Variants in ZFYVE26 observed in about 807,000 individuals in gnomAD.
ZFYVE26 encodes zinc finger FYVE domain-containing protein 26.
Under a neutral mutation model 276.5 loss-of-function variants are expected in ZFYVE26, and 181 were observed. The ratio of observed to expected loss-of-function variants is 0.65; its 90% CI spans 0.58 to 0.74. ZFYVE26 has a LOEUF of 0.74. Ranked by LOEUF, ZFYVE26 falls within the 30% of genes least tolerant of loss-of-function variation. The probability of loss-of-function intolerance (pLI) is 0.00; values close to 1 mark genes in which losing one functional copy is unlikely to be tolerated. For synonymous variants in ZFYVE26, 1,129 were observed against 1,203.1 expected (o/e 0.94, Z 1.27); for missense variants, 2,821 against 3,097.9 (o/e 0.91, Z 2.12).
intron 12 of ZFYVE26, 175 bp downstream of exon 12, chr14:67,797,497 A>C (rs1333755274): frequency 4.2e-6 from 3 of 713,764 alleles, no homozygotes; most frequent in Non-Finnish European, 7.4e-6. Flanking sequence ...ATTGCATGGA[A>C]AATTTCTGAA....
chr14:67,804,970 C>T lies in ZFYVE26; in HGVS notation c.1271+247G>A, dbSNP rs192537502. Reference sequence around the variant, plus strand: ...GCTTATGGTAAGTGCACTGGAAATGCGAGCTATTGTTCTTTTTGTTACTGT... The same window carrying T: ...GCTTATGGTAAGTGCACTGGAAATGTGAGCTATTGTTCTTTTTGTTACTGT... On this transcript the variant is annotated intron_variant, in intron 8 of 41. Transcript: ENST00000347230. Among the ~76,000 whole-genome samples the T allele has an allele frequency of 1.9e-3, 290 of 152,300 alleles. 1 individual carries two copies. Among genetic ancestry groups the T allele is most frequent in the South Asian group, 3.9e-3 (19 of 4,824 alleles).
rs778095161 is a variant in ZFYVE26, at chr14:67,775,065, C to G, written c.5271G>C (p.Glu1757Asp). 2 of 1,613,092 alleles carry G rather than the reference C, an allele frequency of 1.2e-6. No homozygotes were observed. The highest frequency in any genetic ancestry group is 1.7e-6 in the Non-Finnish European group (2 of 1,179,752). Reference sequence around the variant, plus strand: ...CTGCTGATGGTGATCTAGGGAGGGTCTCGGGATCTGCAGCCTGGTGGACAA... The same window carrying G: ...CTGCTGATGGTGATCTAGGGAGGGTGTCGGGATCTGCAGCCTGGTGGACAA... The part of the protein sequence containing the change: ...QEIVHQAADP[E>D]TLPRSPSAEF... The change falls in exon 27 of 42, where the codon GAG becomes GAC. Residue 1757 changes from glutamate to aspartate, a missense_variant. Glu to Asp is a conservative substitution (Grantham distance 45). Coordinates refer to ENST00000347230, the MANE Select transcript of ZFYVE26 (RefSeq NM_015346.4).
chr14:67,814,382 G>C (rs561922950), intron 2 of ZFYVE26, among the ~76,000 whole-genome samples: 1 of 152,120 alleles, frequency 6.6e-6, no homozygotes, highest in Admixed American at 6.6e-5. Flanking sequence ...AGCCAAGTGC[G>C]GTGGCAGGCG....
At chr14:67,802,304 GC>G in intron 9 of ZFYVE26, 22 bp from the exon 10 acceptor site, 1 of 1,612,678 alleles carries the variant, frequency 6.2e-7, no homozygotes, top group Non-Finnish European at 8.5e-7. Context: ...AGAGAAACAG[GC>G]TGAACTTGAG....
Position 67,781,207 on chromosome 14 carries a change from C to A in ZFYVE26, c.4569+126G>T, listed in dbSNP as rs1056021249. The A allele has an allele frequency of 7.2e-6, 8 of 1,113,764 alleles. No homozygotes were observed. In the East Asian group the frequency reaches 1.2e-4, roughly 16 times the overall value. 69.0% of individuals were successfully genotyped at this position (1,113,764 alleles called of 1,614,324 possible). A position where few individuals can be genotyped will look rare whatever the true frequency, so the allele number is the denominator to read the frequency against. Reference sequence around the variant, plus strand: ...CCTGCTGTTCACCTAAGAACTGAAGCCAGATGCAAAGCAAAACCCAGACCT... The same window carrying A: ...CCTGCTGTTCACCTAAGAACTGAAGACAGATGCAAAGCAAAACCCAGACCT... On this transcript the variant is annotated intron_variant, in intron 22 of 41. Transcript: ENST00000347230.
At chr14:67,794,306 TG>T in intron 12 of ZFYVE26, 67 bp from the exon 13 acceptor site, 1 of 1,499,862 alleles carries the variant, frequency 6.7e-7, no homozygotes, top group Non-Finnish European at 9.3e-7. Flanking sequence ...AGTGTGAAGT[TG>T]GCTTGACAGC....
At chr14:67,761,637 G>A (rs1017304371) in intron 34 of ZFYVE26, 53 bp from the exon 35 acceptor site, 7 of 1,513,282 alleles carry the variant, frequency 4.6e-6, no homozygotes, top group Middle Eastern at 1.7e-4. Flanking sequence ...GTTCTCAGCA[G>A]GCACTGAAAA....
chr14:67,774,955 G>C, intron 27 of ZFYVE26, 61 bp downstream of exon 27: 1 of 1,159,432 alleles, frequency 8.6e-7, no homozygotes, highest in Non-Finnish European at 1.3e-6. Context: ...AAATTCTGAA[G>C]GATAGAATAA....
At position 67,804,113 on chromosome 14, in the gene ZFYVE26, G is replaced by T. The variant is rs2140248496; in HGVS notation, c.1423C>A (p.Gln475Lys). 3 of 1,614,152 alleles carry T rather than the reference G, an allele frequency of 1.9e-6. No individual in the cohort carries two copies. Among genetic ancestry groups the T allele is most frequent in the African/African-American group, 1.3e-5 (1 of 75,068 alleles). Residue 475 changes from glutamine (Q) to lysine (K), a missense_variant, in exon 9 of 42, where the codon CAG becomes AAG. Gln to Lys is a moderately conservative substitution (Grantham distance 53, BLOSUM62 1). Coordinates refer to ENST00000347230, the MANE Select transcript of ZFYVE26 (RefSeq NM_015346.4). ...LLQKVPAKDP[Q>K]QEPDAVDAPV... Reference sequence around the variant, plus strand: ...CATCCCAACTCACCAGGCTCTTGCTGGGGGTCCTTGGCTGGCACTTTCTGT... The same window carrying T: ...CATCCCAACTCACCAGGCTCTTGCTTGGGGTCCTTGGCTGGCACTTTCTGT...
At chr14:67,787,409 C>T (rs1365959910) in intron 16 of ZFYVE26, among the ~76,000 whole-genome samples, 4 of 151,880 alleles carry the variant, frequency 2.6e-5, no homozygotes, top group Admixed American at 2.6e-4. Context: ...AATAGCATAA[C>T]ATGGGGGCTA....
intron 13 of ZFYVE26, among the ~76,000 whole-genome samples, chr14:67,739,865 A>G (rs2038394921): frequency 6.6e-6 from 1 of 152,208 alleles, no homozygotes; most frequent in African/African-American, 2.4e-5. Flanking sequence ...TCAAGAGAGG[A>G]GGTACAACTT....
In ZFYVE26 at chr14:67,775,076, C is replaced by T. The variant is rs146968463; in HGVS notation, c.5260G>A (p.Ala1754Thr). The change falls in exon 27 of 42, where the codon GCA becomes ACA. Residue 1754 changes from alanine (A) to threonine (T), a missense_variant. Ala to Thr is a moderately conservative substitution (Grantham distance 58, BLOSUM62 0). Transcript: ENST00000347230. ...IHLQEIVHQAADPETLPRSPS... is the reference protein window; with the variant it reads ...IHLQEIVHQATDPETLPRSPS... ...GATCTAGGGAGGGTCTCGGGATCTG[C>T]AGCCTGGTGGACAATTTCTTGGAGG... is the stretch of plus-strand genomic sequence containing the variant. 1,207 of 1,612,254 alleles carry T rather than the reference C, an allele frequency of 7.5e-4. 1 individual carries two copies. Among genetic ancestry groups the T allele is most frequent in the Non-Finnish European group, 9.8e-4 (1,159 of 1,179,416 alleles).
At chr14:67,766,548 G>T in intron 31 of ZFYVE26, 101 bp from the exon 32 acceptor site, 1 of 1,117,058 alleles carries the variant, frequency 9.0e-7, no homozygotes, top group Non-Finnish European at 1.3e-6. Context: ...CCTTTCAAAA[G>T]GCTGAAAGAC....
intron 3 of ZFYVE26, among the ~76,000 whole-genome samples, chr14:67,812,574 C>G (rs2040325882): frequency 6.6e-6 from 1 of 152,072 alleles, no homozygotes; most frequent in Non-Finnish European, 1.5e-5. Context: ...CTATGAGGAA[C>G]TAAAATAGTC....
At chr14:67,768,671 A>G in intron 29 of ZFYVE26, 123 bp from the exon 30 acceptor site, 1 of 927,686 alleles carries the variant, frequency 1.1e-6, no homozygotes. Context: ...TGAGGGTAGA[A>G]TTGTTGAATG....
chr14:67,775,122 G>C lies in ZFYVE26; in HGVS notation c.5222-8C>G, dbSNP rs765966529. ...GGAGGTGAATCACAGAATCTGTAGA[G>C]AGGGAAAATGCTGACAAAATATGGT... is the stretch of plus-strand genomic sequence containing the variant. On this transcript the variant is annotated splice_polypyrimidine_tract_variant and splice_region_variant and intron_variant, in intron 26 of 41. Coordinates refer to ENST00000347230, the MANE Select transcript of ZFYVE26 (RefSeq NM_015346.4). The C allele has an allele frequency of 6.3e-7, 1 of 1,589,404 alleles. No homozygotes were observed. The highest frequency in any genetic ancestry group is 1.3e-5 in the African/African-American group (1 of 74,254).
chr14:67,752,226 G>T, intron 40 of ZFYVE26, 118 bp downstream of exon 40: 1 of 1,338,360 alleles, frequency 7.5e-7, no homozygotes, highest in Non-Finnish European at 1.0e-6. Context: ...GAGGGGTTCA[G>T]AATGATAAAA....
At chr14:67,797,379 T>C (rs2039975656) in intron 12 of ZFYVE26, 2 of 431,062 alleles carry the variant, frequency 4.6e-6, no homozygotes, top group South Asian at 2.3e-5. Context: ...CAATTTATAG[T>C]ATAATACATC....
At chr14:67,760,339 A>G (rs1036336663) in intron 35 of ZFYVE26, among the ~76,000 whole-genome samples, 4 of 152,230 alleles carry the variant, frequency 2.6e-5, no homozygotes, top group African/African-American at 9.6e-5. Context: ...GCACTGGTAA[A>G]AACACCCCCC....
Sources: gnomAD v4.1 joint callset for allele counts (sites outside exome capture counted in the v4.1 genomes callset) on GRCh38, gnomAD v4.1.1 for gene constraint, MANE v1.5 for transcripts, NCBI Gene and HGNC (gene_info 2026-07-23, HGNC 2026-07-21) for gene names.